The following SLC24A2 variants were observed in gnomAD, a reference collection of about 807,000 sequenced individuals.
SLC24A2 encodes sodium/potassium/calcium exchanger 2.
SLC24A2 carries 36 observed loss-of-function variants against 62.0 expected under a neutral mutation model. The ratio of observed to expected loss-of-function variants is 0.58; its 90% confidence interval spans 0.44 to 0.77. The LOEUF is 0.77. SLC24A2 is among the 30% of genes least tolerant of loss of function. SLC24A2 has a pLI of 0.00. For synonymous variants in SLC24A2, 358 were observed against 294.0 expected (o/e 1.22, Z -2.23); for missense variants, 846 against 817.9 (o/e 1.03, Z -0.42).
the SLC24A2 span, among the ~76,000 whole-genome samples, chr9:20,290,724 G>T: frequency 1.3e-5 from 2 of 152,204 alleles, no homozygotes; most frequent in South Asian, 2.1e-4. Flanking sequence ...ATGCTACCAT[G>T]GAAATACAAT....
the SLC24A2 span, among the ~76,000 whole-genome samples, chr9:20,288,741 CAAAAAA>C: frequency 1.9e-3 from 151 of 79,300 alleles, 1 homozygote; most frequent in African/African-American, 5.1e-3. Flanking sequence ...GACTCTGTCT[CAAAAAA>C]AAAAAAAAAA....
chr9:19,865,019 G>A, the SLC24A2 span, among the ~76,000 whole-genome samples: 2 of 151,968 alleles, frequency 1.3e-5, no homozygotes, highest in Non-Finnish European at 2.9e-5. Flanking sequence ...ACAAAGGTCA[G>A]TAGCATGTCT....
At chr9:19,527,234 A>G (rs1041457507) in intron 9 of SLC24A2, among the ~76,000 whole-genome samples, 2 of 152,218 alleles carry the variant, frequency 1.3e-5, no homozygotes, top group Admixed American at 6.5e-5. Context: ...GTAGTTTATA[A>G]TAGAGATTAA....
At chr9:20,275,241 G>A in the SLC24A2 span, among the ~76,000 whole-genome samples, 6 of 152,128 alleles carry the variant, frequency 3.9e-5, no homozygotes, top group Admixed American at 2.0e-4. Context: ...GACCTGCAGA[G>A]AAAAGAAAAG....
chr9:19,598,629 A>G (rs367572520), intron 4 of SLC24A2, among the ~76,000 whole-genome samples: 1 of 152,038 alleles, frequency 6.6e-6, no homozygotes, highest in African/African-American at 2.4e-5. Context: ...AATTTTTTTC[A>G]TGACTTCTGG....
the SLC24A2 span, among the ~76,000 whole-genome samples, chr9:20,083,470 T>C: frequency 6.6e-6 from 1 of 152,124 alleles, no homozygotes; most frequent in African/African-American, 2.4e-5. Context: ...GGGGTCAAAG[T>C]TGGAAGCAAA....
rs879374625 is a variant in SLC24A2, at chr9:19,541,237, C to T, written c.1479+8900G>A. 2.8e-3 allele frequency among the ~76,000 whole-genome samples: 415 copies of T among 147,000 alleles called. 1 individual carries two copies. The highest frequency in any genetic ancestry group is 0.018 in the Middle Eastern group (5 of 284). On this transcript the variant is annotated intron_variant, in intron 8 of 10. Coordinates refer to ENST00000341998, the MANE Select transcript of SLC24A2 (RefSeq NM_020344.4). ...AATCATTCTCCATCCAGCTTTGTTC[C>T]GTTGCTGGTGAGGAACTGCGTTCCT...
At chr9:20,010,613 CTTTTT>C in the SLC24A2 span, among the ~76,000 whole-genome samples, 1 of 151,738 alleles carries the variant, frequency 6.6e-6, no homozygotes, top group Non-Finnish European at 1.5e-5. Context: ...TAGACATTTT[CTTTTT>C]TTTAATTATA....
Position 19,786,275 on chromosome 9 carries a change from TA to T in SLC24A2, c.591del (p.Phe197LeufsTer9), listed in dbSNP as rs1176164901. 1 of 1,614,012 alleles carries T rather than the reference TA, an allele frequency of 6.2e-7. No individual in the cohort carries two copies. The highest frequency in any genetic ancestry group is 1.3e-5 in the African/African-American group (1 of 74,916). ...CCTATGCCAACGTTGCTGTGAGCGA[TA>T]AATACCCCTATGAGAGATGTGAAAA... ...PELFTSLIGV[F>X]IAHSNVGIGT... On this transcript the variant is annotated frameshift_variant, in exon 2 of 11. Transcript: ENST00000341998. LOFTEE classifies it high-confidence loss of function. The surrounding 1 kb of genome is among the most constrained non-coding windows in gnomAD (Gnocchi z 5.0).
At chr9:19,993,867 T>A in the SLC24A2 span, among the ~76,000 whole-genome samples, 2 of 152,186 alleles carry the variant, frequency 1.3e-5, no homozygotes, top group Non-Finnish European at 2.9e-5. Context: ...CAATCATTAA[T>A]GCCCATGGTG....
At chr9:20,120,832 G>T in the SLC24A2 span, among the ~76,000 whole-genome samples, 1 of 151,828 alleles carries the variant, frequency 6.6e-6, no homozygotes, top group Non-Finnish European at 1.5e-5. Flanking sequence ...TGGTGACAGG[G>T]ATCAAGGTTG....
At chr9:19,675,308 T>C (rs1302158624) in intron 2 of SLC24A2, among the ~76,000 whole-genome samples, 1 of 152,114 alleles carries the variant, frequency 6.6e-6, no homozygotes, top group African/African-American at 2.4e-5. Flanking sequence ...GTTTTGTTTA[T>C]TGCACTAGTT....
the SLC24A2 span, among the ~76,000 whole-genome samples, chr9:20,287,155 T>A: frequency 2.6e-5 from 4 of 152,072 alleles, no homozygotes; most frequent in African/African-American, 9.7e-5. Flanking sequence ...TAAGCACAAA[T>A]CCTCCACCAT....
the SLC24A2 span, among the ~76,000 whole-genome samples, chr9:20,219,850 C>T: frequency 6.6e-6 from 1 of 152,106 alleles, no homozygotes; most frequent in Admixed American, 6.5e-5. Flanking sequence ...TAATTTCTTT[C>T]CATCTCAACT....
At chr9:19,888,618 G>A in the SLC24A2 span, among the ~76,000 whole-genome samples, 1 of 152,084 alleles carries the variant, frequency 6.6e-6, no homozygotes, top group Non-Finnish European at 1.5e-5. Context: ...GAGTAGAAAT[G>A]CAAAGGACCT....
the SLC24A2 span, among the ~76,000 whole-genome samples, chr9:19,932,135 C>T: frequency 6.6e-6 from 1 of 152,040 alleles, no homozygotes; most frequent in Non-Finnish European, 1.5e-5. Context: ...CAGTAAAACT[C>T]TAAAAAATAG....
At chr9:20,002,967 G>C in the SLC24A2 span, among the ~76,000 whole-genome samples, 2 of 152,140 alleles carry the variant, frequency 1.3e-5, no homozygotes, top group Non-Finnish European at 2.9e-5. Context: ...TCTGTGCTTG[G>C]TTTAATGGTC....
chr9:20,177,707 T>C, the SLC24A2 span, among the ~76,000 whole-genome samples: 4 of 152,102 alleles, frequency 2.6e-5, no homozygotes, highest in Non-Finnish European at 5.9e-5. Flanking sequence ...GTAGATTAAA[T>C]AGATTCTAAA....
chr9:19,791,589 T>C (rs980688519), upstream of SLC24A2, among the ~76,000 whole-genome samples: 2 of 152,208 alleles, frequency 1.3e-5, no homozygotes, highest in East Asian at 3.8e-4. Flanking sequence ...TTGAGAAGGC[T>C]ACAACTTCCA....
Sources: allele counts gnomAD v4.1 joint callset (sites outside exome capture counted in the v4.1 genomes callset), GRCh38; gene constraint gnomAD v4.1.1; non-coding constraint Gnocchi (gnomAD v3.1); transcripts MANE v1.5; gene names NCBI Gene and HGNC (gene_info 2026-07-23, HGNC 2026-07-21).